The following VAV1 variants were observed in gnomAD, a reference collection of about 807,000 sequenced individuals.
VAV1 encodes vav guanine nucleotide exchange factor 1, also known as proto-oncogene vav.
In VAV1, 33 loss-of-function variants were observed where a neutral mutation model predicts 128.1. That is an observed-to-expected ratio of 0.26 (90% CI 0.20 to 0.34). The LOEUF (loss-of-function observed/expected upper bound fraction) is 0.34. Among genes scored for constraint, VAV1 ranks in the 10% least tolerant of loss-of-function variants. The pLI is 1.00. For missense variants in VAV1, 715 were observed against 1,093.7 expected, an observed-to-expected ratio of 0.65 and a Z score of 4.88; for synonymous variants, 394 against 409.8, an observed-to-expected ratio of 0.96 and a Z score of 0.47.
intron 1 of VAV1, among the ~76,000 whole-genome samples, chr19:6,794,576 G>A (rs1445388996): frequency 6.6e-6 from 1 of 152,152 alleles, no homozygotes; most frequent in Admixed American, 6.6e-5. Context: ...GTTGAGAGGA[G>A]TAGATTCAGA....
intron 19 of VAV1, 70 bp downstream of exon 19, chr19:6,834,023 A>G: frequency 1.2e-6 from 2 of 1,604,818 alleles, no homozygotes; most frequent in Non-Finnish European, 1.7e-6. Context: ...ACCCAGGGAC[A>G]GATCTCCATA....
chr19:6,829,743 A>T (rs1308199227), intron 13 of VAV1, 43 bp from the exon 14 acceptor site: 1 of 1,610,168 alleles, frequency 6.2e-7, no homozygotes, highest in East Asian at 2.2e-5. Context: ...TGATGGGGAC[A>T]GTTGGGAAGA....
At chr19:6,809,746 A>G (rs985303039) in intron 1 of VAV1, among the ~76,000 whole-genome samples, 4 of 152,170 alleles carry the variant, frequency 2.6e-5, no homozygotes, top group African/African-American at 9.6e-5. Context: ...TGCAGCCACA[A>G]AGGTGATCAC....
chr19:6,821,822 G>A lies in VAV1; in HGVS notation c.412G>A (p.Asp138Asn). 1 of 1,614,214 alleles carries A rather than the reference G, an allele frequency of 6.2e-7. No individual in the cohort carries two copies. The highest frequency in any genetic ancestry group is 8.5e-7 in the Non-Finnish European group (1 of 1,180,032). ...PFPTEEESVG[D>N]EDIYSGLSDQ... ...CCCCACCGAGGAGGAGAGTGTAGGT[G>A]ATGAAGACATCTACAGTGGCCTGTC... is the stretch of plus-strand genomic sequence containing the variant. The change falls in exon 4 of 27, where the codon GAT (aspartate) becomes AAT (asparagine). Residue 138 changes from aspartate (D) to asparagine (N), a missense_variant. By Grantham distance (23) the Asp-to-Asn change is conservative. Coordinates refer to ENST00000602142, the MANE Select transcript of VAV1 (RefSeq NM_005428.4).
At chr19:6,775,891 G>A (rs997271909) in intron 1 of VAV1, among the ~76,000 whole-genome samples, 2 of 152,148 alleles carry the variant, frequency 1.3e-5, no homozygotes, top group African/African-American at 2.4e-5. Flanking sequence ...AGGTGTGCAG[G>A]CTGGAATGAG....
chr19:6,779,298 C>T (rs1238127085), intron 1 of VAV1, among the ~76,000 whole-genome samples: 1 of 150,428 alleles, frequency 6.6e-6, no homozygotes, highest in Admixed American at 6.6e-5. Flanking sequence ...GCAATTCCTC[C>T]CGCCTTGGCT....
Position 6,789,260 on chromosome 19 carries a change from C to CTTTTTTTTTTTTTTTTTTTT in VAV1, c.204+16261_204+16262insTTTTTTTTTTTTTTTTTTTT, listed in dbSNP as rs771682522. On this transcript the variant is annotated intron_variant, in intron 1 of 26. Transcript: ENST00000602142. ...TTTCTTTCTTTCTCTCTCCTTTCTTCTTTTTTTTTTTTGACAGAGTCTCAC... is the reference window on the plus strand; with the variant it reads ...TTTCTTTCTTTCTCTCTCCTTTCTTCTTTTTTTTTTTTTTTTTTTTTTTTTTTTTTTTGACAGAGTCTCAC... Among the ~76,000 whole-genome samples, 48 of 144,968 alleles carry CTTTTTTTTTTTTTTTTTTTT rather than the reference C, an allele frequency of 3.3e-4. 1 individual carries two copies. The highest frequency in any genetic ancestry group is 1.1e-3 in the African/African-American group (44 of 39,430).
At chr19:6,818,310 G>A (rs1275616345) in intron 1 of VAV1, among the ~76,000 whole-genome samples, 1 of 152,208 alleles carries the variant, frequency 6.6e-6, no homozygotes, top group East Asian at 1.9e-4. Context: ...GGGTGTATTT[G>A]TTTGCGTGGG....
At chr19:6,791,711 C>T (rs549224502) in intron 1 of VAV1, among the ~76,000 whole-genome samples, 49 of 152,198 alleles carry the variant, frequency 3.2e-4, no homozygotes, top group African/African-American at 1.0e-3. Context: ...ATAGACAAAA[C>T]GCTGGCACAT....
chr19:6,831,991 C>A, intron 14 of VAV1, 100 bp from the exon 15 acceptor site: 1 of 923,810 alleles, frequency 1.1e-6, no homozygotes, highest in Non-Finnish European at 1.7e-6. Flanking sequence ...TAGAGACTGT[C>A]ATGGGCTTGC....
intron 1 of VAV1, among the ~76,000 whole-genome samples, chr19:6,810,873 G>A (rs1211992118): frequency 6.6e-6 from 1 of 152,168 alleles, no homozygotes; most frequent in Non-Finnish European, 1.5e-5. Context: ...GACCTGTTAA[G>A]TTTGAGGTGC....
chr19:6,822,287 G>A lies in VAV1; in HGVS notation c.516G>A (p.Glu172=). The A allele has an allele frequency of 6.4e-7, 1 of 1,573,050 alleles. No homozygotes were observed. Residue 172 remains glutamate (E), a synonymous_variant, in exon 5 of 27, where the codon GAG becomes GAA. Transcript: ENST00000602142. This position sits in a 1 kb window ranked among gnomAD's most constrained non-coding sequence, Gnocchi z 5.9. ...AGAATGAGGAGGCGGAAGGCGACGA[G>A]ATCTATGAGGACCTCATGCGCTCGG... ...CVENEEAEGD[E]IYEDLMRSEP...
intron 6 of VAV1, among the ~76,000 whole-genome samples, chr19:6,823,722 G>C (rs1371200248): frequency 6.6e-6 from 1 of 151,614 alleles, no homozygotes; most frequent in Non-Finnish European, 1.5e-5. Context: ...CTCCTTTGTA[G>C]CTCTTTATCC....
chr19:6,841,502 G>C (rs1346767088), intron 21 of VAV1, among the ~76,000 whole-genome samples: 1 of 143,864 alleles, frequency 7.0e-6, no homozygotes, highest in Non-Finnish European at 1.5e-5. Flanking sequence ...TTGATAGGGA[G>C]TTTTGCTCTG....
In VAV1 at chr19:6,848,128, C is replaced by T; in HGVS notation, c.2129+14C>T. 1 of 1,540,898 alleles carries T rather than the reference C, an allele frequency of 6.5e-7. No individual in the cohort carries two copies. The highest frequency in any genetic ancestry group is 8.7e-7 in the Non-Finnish European group (1 of 1,152,000). On this transcript the variant is annotated intron_variant, in intron 23 of 26. Transcript: ENST00000602142. ...CATCAGCATTAAGTAACTCCTTTCTCCCTGACTCATACCCTTTTGGGGCCT... is the reference window on the plus strand; with the variant it reads ...CATCAGCATTAAGTAACTCCTTTCTTCCTGACTCATACCCTTTTGGGGCCT...
Position 6,854,092 on chromosome 19 carries a change from T to C in VAV1, c.2478T>C (p.Tyr826=), listed in dbSNP as rs747519627. The change falls in exon 26 of 27, where the codon TAT becomes TAC. Residue 826 remains tyrosine, a synonymous_variant. Coordinates refer to ENST00000602142, the MANE Select transcript of VAV1 (RefSeq NM_005428.4). ...AAGGCTGGTGGCGAGGGGAGATCTA[T>C]GGCCGGGTGAGGCAGGCAGGGCTGG... ...GQQGWWRGEI[Y]GRVGWFPANY... The C allele has an allele frequency of 2.5e-6, 4 of 1,612,410 alleles. No individual in the cohort carries two copies. Among genetic ancestry groups the C allele is most frequent in the South Asian group, 1.1e-5 (1 of 91,026 alleles).
Position 6,774,427 on chromosome 19 carries a change from C to CTTTTTTTTTTTT in VAV1, c.204+1430_204+1441dup, listed in dbSNP as rs1002823385. Among the ~76,000 whole-genome samples, 110 of 91,562 alleles carry CTTTTTTTTTTTT rather than the reference C, an allele frequency of 1.2e-3. 3 individuals carry two copies. The highest frequency in any genetic ancestry group is 5.2e-3 in the African/African-American group (92 of 17,790). 60.1% of individuals were successfully genotyped at this position (91,562 alleles called of 152,430 possible). On this transcript the variant is annotated intron_variant, in intron 1 of 26. Coordinates refer to ENST00000602142, the MANE Select transcript of VAV1 (RefSeq NM_005428.4). ...ACAGGTGTGAGCCACCGCGCCCAGC[C>CTTTTTTTTTTTT]TTTTTTTTTTTTTTTTTTTTTTTTT...
In VAV1 at chr19:6,833,949, G is replaced by A. The variant is rs773863368; in HGVS notation, c.1773G>A (p.Glu591=). The part of the protein sequence containing the change: ...HRRAQDKKRN[E]LGLPKMEVFQ... ...GGGCTCAGGACAAAAAGAGGAATGA[G>A]CTGGGTGAGTTGGCAGGGGTTGCTG... The change falls in exon 19 of 27, where the codon GAG becomes GAA. Residue 591 remains glutamate, a synonymous_variant. Coordinates refer to ENST00000602142, the MANE Select transcript of VAV1 (RefSeq NM_005428.4). 7.4e-6 allele frequency: 12 copies of A among 1,614,074 alleles called. No individual in the cohort carries two copies. In the East Asian group the frequency reaches 2.0e-4, roughly 27 times the overall value.
At chr19:6,776,991 G>A (rs1054091805) in intron 1 of VAV1, among the ~76,000 whole-genome samples, 1 of 151,872 alleles carries the variant, frequency 6.6e-6, no homozygotes, top group African/African-American at 2.4e-5. Flanking sequence ...TCCTGACCTT[G>A]TGATCCACTC....
Sources: gnomAD v4.1 joint callset for allele counts (sites outside exome capture counted in the v4.1 genomes callset) on GRCh38, gnomAD v4.1.1 for gene constraint, Gnocchi (gnomAD v3.1) non-coding constraint, MANE v1.5 for transcripts, NCBI Gene and HGNC (gene_info 2026-07-23, HGNC 2026-07-21) for gene names.